Variants in RIT2 observed in about 807,000 individuals in gnomAD.
The protein encoded by RIT2 is Ras like without CAAX 2, also known as GTP-binding protein Rit2.
RIT2 carries 24 observed loss-of-function variants against 23.7 expected under a neutral mutation model. The observed-to-expected ratio is 1.01, with a 90% CI of 0.73 to 1.43. The LOEUF (loss-of-function observed/expected upper bound fraction) is 1.43, where lower values mean the gene tolerates loss of function less well. Ranked by LOEUF, RIT2 falls within the 40% of genes most tolerant of loss-of-function variation. The probability of loss-of-function intolerance (pLI) is 0.00; values close to 1 mark genes in which losing one functional copy is unlikely to be tolerated. For missense variants in RIT2, 236 were observed against 266.9 expected (o/e 0.88, Z 0.81); for synonymous variants, 107 against 91.1 (o/e 1.17, Z -0.99).
At chr18:43,065,937 A>G (rs1912761802) in intron 1 of RIT2, among the ~76,000 whole-genome samples, 1 of 152,196 alleles carries the variant, frequency 6.6e-6, no homozygotes, top group Admixed American at 6.5e-5. Context: ...AGTGAGTAAC[A>G]TTTATGTTAA....
intron 1 of RIT2, among the ~76,000 whole-genome samples, chr18:43,049,166 A>G (rs533127048): frequency 1.4e-4 from 21 of 152,310 alleles, no homozygotes; most frequent in African/African-American, 4.3e-4. Context: ...GGACATGATG[A>G]TAGTGAATCT....
At chr18:43,061,628 T>C (rs1431046148) in intron 1 of RIT2, among the ~76,000 whole-genome samples, 1 of 152,146 alleles carries the variant, frequency 6.6e-6, no homozygotes, top group Non-Finnish European at 1.5e-5. Context: ...TCCTTCTGAA[T>C]GATGCCTTTT....
intron 4 of RIT2, among the ~76,000 whole-genome samples, chr18:42,875,594 G>A (rs1395482267): frequency 1.3e-5 from 2 of 151,936 alleles, no homozygotes; most frequent in Non-Finnish European, 2.9e-5. Context: ...TCATGTAGCT[G>A]AACTATTGTT....
At chr18:42,750,768 G>A (rs632475) in intron 4 of RIT2, among the ~76,000 whole-genome samples, 148,620 of 151,934 alleles carry the variant, frequency 0.98, 72,787 homozygotes, top group Middle Eastern at 1. Context: ...TCGAAGGTTC[G>A]ATATCATAAA....
At position 42,999,131 on chromosome 18, in the gene RIT2, T is replaced by C. The variant is rs145790837; in HGVS notation, c.161-24984A>G. On this transcript the variant is annotated intron_variant, in intron 2 of 4. Coordinates refer to ENST00000326695, the MANE Select transcript of RIT2 (RefSeq NM_002930.4). The stretch of plus-strand genomic sequence containing the variant: ...AAATTTACAACTAAAGAGACAACTT[T>C]AGTATTATTTTCTAACTTCAAGAAG... Among the ~76,000 whole-genome samples, 216 of 152,230 alleles carry C rather than the reference T, an allele frequency of 1.4e-3. 1 individual carries two copies. Among genetic ancestry groups the C allele is most frequent in the African/African-American group, 4.9e-3 (205 of 41,572 alleles).
intron 4 of RIT2, among the ~76,000 whole-genome samples, chr18:42,920,977 C>T (rs1157964920): frequency 1.3e-5 from 2 of 151,850 alleles, no homozygotes; most frequent in East Asian, 3.9e-4. Context: ...AGAAACCTAA[C>T]CTTTCAGATA....
At chr18:42,989,370 C>G (rs1910787043) in intron 2 of RIT2, among the ~76,000 whole-genome samples, 1 of 151,936 alleles carries the variant, frequency 6.6e-6, no homozygotes, top group African/African-American at 2.4e-5. Context: ...AATTCAGAAC[C>G]TACAACAGCA....
rs556235296 is a variant in RIT2, at chr18:42,813,589, T to C, written c.427-69869A>G. Among the ~76,000 whole-genome samples, 5 of 152,298 alleles carry C rather than the reference T, an allele frequency of 3.3e-5. No individual in the cohort carries two copies. The South Asian group carries it at 1.0e-3, about 32-fold the overall frequency. On this transcript the variant is annotated intron_variant, in intron 4 of 4. Coordinates refer to ENST00000326695, the MANE Select transcript of RIT2 (RefSeq NM_002930.4). Reference sequence around the variant, plus strand: ...TGAGCATCTACAAAGATAGTCCCTCTTTAAAAAGATGCTATGTATTATTCA... The same window carrying C: ...TGAGCATCTACAAAGATAGTCCCTCCTTAAAAAGATGCTATGTATTATTCA...
chr18:43,048,632 A>G (rs1043157450), intron 1 of RIT2, among the ~76,000 whole-genome samples: 3 of 152,216 alleles, frequency 2.0e-5, no homozygotes, highest in African/African-American at 7.2e-5. Flanking sequence ...TAAGTTCTTG[A>G]TAAACATTTA....
intron 2 of RIT2, among the ~76,000 whole-genome samples, chr18:43,024,862 GCA>G (rs1911675363): frequency 2.0e-5 from 3 of 151,982 alleles, no homozygotes; most frequent in Non-Finnish European, 4.4e-5. Flanking sequence ...TCAGAGGAAT[GCA>G]AATTAGAACA....
At chr18:42,821,737 G>GTTCATGCATTCATTCAGTAAA (rs1488492713) in intron 4 of RIT2, among the ~76,000 whole-genome samples, 2 of 152,118 alleles carry the variant, frequency 1.3e-5, no homozygotes, top group Admixed American at 6.6e-5. Flanking sequence ...GTCAGGGAAG[G>GTTCATGCATTCATTCAGTAAA]TTCATGCATT....
chr18:42,920,696 C>T (rs1202944100), intron 4 of RIT2: 1 of 1,588,634 alleles, frequency 6.3e-7, no homozygotes, highest in Admixed American at 1.7e-5. Flanking sequence ...CCTATTCTTA[C>T]CAAATATGAA....
intron 2 of RIT2, among the ~76,000 whole-genome samples, chr18:42,987,507 A>G (rs374923642): frequency 6.6e-6 from 1 of 152,212 alleles, no homozygotes; most frequent in East Asian, 1.9e-4. Context: ...TGTGTTATAC[A>G]ACAAAAACAC....
At chr18:43,055,149 C>T (rs1434702621) in intron 1 of RIT2, among the ~76,000 whole-genome samples, 16 of 152,034 alleles carry the variant, frequency 1.1e-4, no homozygotes, top group Admixed American at 9.2e-4. Flanking sequence ...AGGCCCTATT[C>T]GTGAGAGAAG....
chr18:42,772,491 T>C (rs1598647772), intron 4 of RIT2, among the ~76,000 whole-genome samples: 1 of 151,906 alleles, frequency 6.6e-6, no homozygotes, highest in East Asian at 1.9e-4. Flanking sequence ...TAGGCCTTCT[T>C]GAAGTATAGG....
chr18:43,045,773 A>C (rs2144300240), intron 1 of RIT2, among the ~76,000 whole-genome samples: 1 of 152,154 alleles, frequency 6.6e-6, no homozygotes, highest in Middle Eastern at 3.4e-3. Context: ...TGTATCATGA[A>C]TGTGTTTGGC....
At chr18:42,913,535 G>A (rs544102) in intron 4 of RIT2, among the ~76,000 whole-genome samples, 115,048 of 151,382 alleles carry the variant, frequency 0.76, 44,236 homozygotes, top group Non-Finnish European at 0.8. Flanking sequence ...ACTTAAAAAA[G>A]AAACAATCCA....
chr18:42,969,708 A>G (rs544579363), intron 3 of RIT2, among the ~76,000 whole-genome samples: 3 of 151,972 alleles, frequency 2.0e-5, no homozygotes, highest in Admixed American at 6.6e-5. Context: ...TGCAGAATTA[A>G]TTTTTTTGCT....
chr18:42,986,030 GT>G (rs1463185257), intron 2 of RIT2, among the ~76,000 whole-genome samples: 2 of 150,324 alleles, frequency 1.3e-5, no homozygotes, highest in Non-Finnish European at 3.0e-5. Context: ...AATATGTATG[GT>G]TTTTTCTTTT....
Sources: gnomAD v4.1 joint callset for allele counts (sites outside exome capture counted in the v4.1 genomes callset) on GRCh38, gnomAD v4.1.1 for gene constraint, MANE v1.5 for transcripts, NCBI Gene and HGNC (gene_info 2026-07-23, HGNC 2026-07-21) for gene names.